The following PHF3 variants were observed in gnomAD, a reference collection of about 807,000 sequenced individuals.
PHF3 encodes the protein PHD finger protein 3.
Under a neutral mutation model 178.4 loss-of-function variants are expected in PHF3, and 41 were observed. The observed-to-expected ratio is 0.23, with a 90% CI of 0.18 to 0.30. The LOEUF (loss-of-function observed/expected upper bound fraction) is 0.30. Among genes scored for constraint, PHF3 ranks in the 10% least tolerant of loss-of-function variants. PHF3 has a pLI of 1.00. For missense variants in PHF3, 2,346 were observed against 2,398.1 expected (o/e 0.98, Z 0.45); for synonymous variants, 842 against 800.5 (o/e 1.05, Z -0.88).
intron 6 of PHF3, among the ~76,000 whole-genome samples, chr6:63,697,181 G>A (rs1767267538): frequency 6.6e-6 from 1 of 152,136 alleles, no homozygotes; most frequent in African/African-American, 2.4e-5. Flanking sequence ...TTATCAGAAA[G>A]GTAAAGCTCA....
Position 63,723,411 on chromosome 6 carries a change from A to C in PHF3, c.*9703A>C, listed in dbSNP as rs553343858. Among the ~76,000 whole-genome samples, 10 of 152,330 alleles carry C rather than the reference A, an allele frequency of 6.6e-5. No individual in the cohort carries two copies. The South Asian group carries it at 1.9e-3, about 28-fold the overall frequency. Reference sequence around the variant, plus strand: ...TATACTTTGTGGCCTGCAAGTGAACACAAACCAGTTATCTTTTGCAAGATT... The same window carrying C: ...TATACTTTGTGGCCTGCAAGTGAACCCAAACCAGTTATCTTTTGCAAGATT... On this transcript the variant is annotated 3_prime_UTR_variant, in exon 16 of 16. Transcript: ENST00000262043.
chr6:63,659,846 C>T (rs976515986), intron 2 of PHF3, among the ~76,000 whole-genome samples: 2 of 151,928 alleles, frequency 1.3e-5, no homozygotes, highest in African/African-American at 4.8e-5. Flanking sequence ...ATTTTATAGC[C>T]CAGTAAACTG....
chr6:63,685,016 G>C lies in PHF3; in HGVS notation c.1294G>C (p.Glu432Gln). The change falls in exon 4 of 16, where the codon GAA (glutamate) becomes CAA (glutamine). Residue 432 changes from glutamate (E) to glutamine (Q), a missense_variant. By Grantham distance (29) the Glu-to-Gln change is conservative. Transcript: ENST00000262043. Reference sequence around the variant, plus strand: ...GGTTGATACTAGTACTTTTGGACCGGAAAGTAATATCTTGGAAAATGCTAT... The same window carrying C: ...GGTTGATACTAGTACTTTTGGACCGCAAAGTAATATCTTGGAAAATGCTAT... ...EVVDTSTFGP[E>Q]SNILENAICD... The C allele has an allele frequency of 6.2e-7, 1 of 1,613,988 alleles. No individual in the cohort carries two copies. Among genetic ancestry groups the C allele is most frequent in the South Asian group, 1.1e-5 (1 of 91,084 alleles).
intron 3 of PHF3, among the ~76,000 whole-genome samples, chr6:63,682,417 A>G (rs969025526): frequency 6.6e-6 from 1 of 152,048 alleles, no homozygotes; most frequent in African/African-American, 2.4e-5. Context: ...CTTGGTAATC[A>G]TCTCTTGTTT....
intron 2 of PHF3, among the ~76,000 whole-genome samples, chr6:63,664,782 T>A (rs1445808255): frequency 6.6e-6 from 1 of 152,106 alleles, no homozygotes; most frequent in Non-Finnish European, 1.5e-5. Context: ...TGGGTTTTAA[T>A]GGCTATCATA....
Position 63,712,574 on chromosome 6 carries a change from A to G in PHF3, c.4986A>G (p.Val1662=). Residue 1662 remains valine, a synonymous_variant, in exon 16 of 16, where the codon GTA becomes GTG. Transcript: ENST00000262043. ...PRQAAGRSQP[V]TTSESKDGDS... is the part of the protein sequence containing the mutation. The stretch of plus-strand genomic sequence containing the variant: ...AAGCAGCAGGACGAAGTCAGCCTGT[A>G]ACTACTTCAGAAAGCAAAGATGGAG... 2.5e-6 allele frequency: 4 copies of G among 1,613,936 alleles called. No individual in the cohort carries two copies. Among genetic ancestry groups the G allele is most frequent in the Non-Finnish European group, 3.4e-6 (4 of 1,179,910 alleles).
intron 2 of PHF3, among the ~76,000 whole-genome samples, chr6:63,649,560 G>A (rs1020625138): frequency 1.3e-5 from 2 of 152,078 alleles, no homozygotes; most frequent in Non-Finnish European, 2.9e-5. Context: ...CAGTATTTTT[G>A]TTGTTGACAT....
chr6:63,669,483 C>G (rs927667732), intron 2 of PHF3, among the ~76,000 whole-genome samples: 1 of 152,142 alleles, frequency 6.6e-6, no homozygotes, highest in Non-Finnish European at 1.5e-5. Flanking sequence ...TTATCTTTCT[C>G]AAACATCTAA....
intron 4 of PHF3, among the ~76,000 whole-genome samples, chr6:63,690,441 C>G (rs1043710492): frequency 2.6e-5 from 4 of 152,198 alleles, no homozygotes; most frequent in Admixed American, 2.6e-4. Flanking sequence ...AGGTATTTGG[C>G]AAGACTTTAA....
chr6:63,713,359 A>G lies in PHF3; in HGVS notation c.5771A>G (p.Tyr1924Cys). 1 of 1,614,102 alleles carries G rather than the reference A, an allele frequency of 6.2e-7. No individual in the cohort carries two copies. The highest frequency in any genetic ancestry group is 8.5e-7 in the Non-Finnish European group (1 of 1,179,966). ...NRGKGDRQRFYSDSHHLKRER... is the reference protein window; with the variant it reads ...NRGKGDRQRFCSDSHHLKRER... ...GGTAAAGGGGACCGCCAGAGATTTT[A>G]TAGTGATTCACACCATTTGAAAAGA... The change falls in exon 16 of 16, where the codon TAT becomes TGT. Residue 1924 changes from tyrosine (Y) to cysteine (C), a missense_variant. Tyr to Cys is a radical substitution (Grantham distance 194). Coordinates refer to ENST00000262043, the MANE Select transcript of PHF3 (RefSeq NM_001370348.2).
intron 2 of PHF3, chr6:63,678,852 C>A (rs1766299782): frequency 2.2e-6 from 1 of 452,648 alleles, no homozygotes; most frequent in Admixed American, 2.4e-5. Flanking sequence ...TTGTTGAGCT[C>A]TTTTAAATGA....
intron 2 of PHF3, among the ~76,000 whole-genome samples, chr6:63,668,965 A>G (rs1342361961): frequency 6.6e-6 from 1 of 152,196 alleles, no homozygotes; most frequent in East Asian, 1.9e-4. Context: ...AAGCATGTGA[A>G]ATATGTAAAA....
At chr6:63,707,929 T>C (rs1450504770) in intron 13 of PHF3, among the ~76,000 whole-genome samples, 2 of 151,958 alleles carry the variant, frequency 1.3e-5, no homozygotes, top group Admixed American at 6.6e-5. Context: ...TGCAGTGGCG[T>C]GATCTTGGCT....
At chr6:63,643,217 C>T (rs1379445925) in intron 1 of PHF3, among the ~76,000 whole-genome samples, 1 of 151,956 alleles carries the variant, frequency 6.6e-6, no homozygotes, top group African/African-American at 2.4e-5. Context: ...GTAAATATTT[C>T]TACATTTGGC....
chr6:63,661,131 A>G (rs1765448550), intron 2 of PHF3, among the ~76,000 whole-genome samples: 1 of 152,192 alleles, frequency 6.6e-6, no homozygotes, highest in South Asian at 2.1e-4. Context: ...TCTCAACATT[A>G]CTGTGTTTAA....
chr6:63,702,428 G>T, intron 9 of PHF3, 80 bp from the exon 10 acceptor site: 2 of 929,314 alleles, frequency 2.2e-6, no homozygotes, highest in South Asian at 4.6e-5. Flanking sequence ...TTATTTTTAG[G>T]TAAGCTCTTA....
intron 6 of PHF3, among the ~76,000 whole-genome samples, chr6:63,695,589 C>G (rs1437715110): frequency 1.3e-5 from 2 of 152,096 alleles, no homozygotes; most frequent in South Asian, 2.1e-4. Flanking sequence ...TGTGGGAAAC[C>G]TTTAGAGGGT....
At chr6:63,697,847 A>G (rs1021554357) in intron 6 of PHF3, among the ~76,000 whole-genome samples, 1 of 152,222 alleles carries the variant, frequency 6.6e-6, no homozygotes, top group Non-Finnish European at 1.5e-5. Flanking sequence ...TAGAATAAAA[A>G]TAATTTGAAA....
Position 63,713,700 on chromosome 6 carries a change from A to C in PHF3, c.6112A>C (p.Lys2038Gln), listed in dbSNP as rs1399572782. The C allele has an allele frequency of 1.3e-6, 2 of 1,555,164 alleles. No individual in the cohort carries two copies. The highest frequency in any genetic ancestry group is 1.7e-6 in the Non-Finnish European group (2 of 1,158,428). ...DRDHTDRTKSKR is the reference protein window; with the variant it reads ...DRDHTDRTKSQR ...GGACCACACTGACAGAACTAAAAGCAAAAGGTAAAATTTGCAGGCTGCTTC... is the reference window on the plus strand; with the variant it reads ...GGACCACACTGACAGAACTAAAAGCCAAAGGTAAAATTTGCAGGCTGCTTC... The change falls in exon 16 of 16, where the codon AAA becomes CAA. Residue 2038 changes from lysine to glutamine, a missense_variant. Transcript: ENST00000262043.
Sources: gnomAD v4.1 joint callset for allele counts (sites outside exome capture counted in the v4.1 genomes callset) on GRCh38, gnomAD v4.1.1 for gene constraint, MANE v1.5 for transcripts, NCBI Gene and HGNC (gene_info 2026-07-23, HGNC 2026-07-21) for gene names.